TSPO: variants seen among roughly 807,000 people sequenced by gnomAD.
TSPO encodes translocator protein.
Under a neutral mutation model 13.9 loss-of-function variants are expected in TSPO, and 14 were observed. The ratio of observed to expected loss-of-function variants is 1.01; its 90% confidence interval spans 0.67 to 1.58. TSPO has a LOEUF of 1.58. TSPO is among the 40% of genes most tolerant of loss of function. The probability of loss-of-function intolerance (pLI) is 0.00; values close to 1 mark genes in which losing one functional copy is unlikely to be tolerated. For synonymous variants in TSPO, 114 were observed against 105.9 expected (o/e 1.08, Z -0.47); for missense variants, 232 against 229.6 (o/e 1.01, Z -0.07).
chr22:43,156,135 G>C (rs1055557853), intron 1 of TSPO, among the ~76,000 whole-genome samples: 6 of 152,242 alleles, frequency 3.9e-5, no homozygotes, highest in African/African-American at 1.4e-4. Context: ...CCTGAGAAGG[G>C]GGCAGCCTGG....
intron 1 of TSPO, among the ~76,000 whole-genome samples, chr22:43,153,342 T>C (rs890343194): frequency 0.015 from 658 of 44,362 alleles, 111 homozygotes; most frequent in African/African-American, 0.07. Flanking sequence ...TTTTCTTTTT[T>C]TTTTTTTTTT....
intron 3 of TSPO, 55 bp downstream of exon 3, chr22:43,161,245 G>A (rs937533744): frequency 3.2e-5 from 50 of 1,572,572 alleles, no homozygotes; most frequent in South Asian, 5.8e-5. Flanking sequence ...CTTGGAGGAC[G>A]TGGGGCATCA....
At chr22:43,155,845 T>C (rs1347806039) in intron 1 of TSPO, among the ~76,000 whole-genome samples, 2 of 152,218 alleles carry the variant, frequency 1.3e-5, no homozygotes, top group African/African-American at 4.8e-5. Flanking sequence ...CTGCCATGTG[T>C]GCCCCCTGGC....
chr22:43,159,771 C>T (rs140708627), intron 2 of TSPO: 65 of 233,026 alleles, frequency 2.8e-4, no homozygotes, highest in African/African-American at 3.6e-4. Context: ...CTTTGTTGAA[C>T]GCCTGCCCAG....
intron 1 of TSPO, among the ~76,000 whole-genome samples, chr22:43,155,532 G>A (rs201880739): frequency 2.6e-5 from 4 of 152,214 alleles, no homozygotes; most frequent in South Asian, 2.1e-4. Flanking sequence ...TCCAAGCCTT[G>A]AGGCCCTGTC....
intron 3 of TSPO, 102 bp from the exon 4 acceptor site, chr22:43,162,701 G>A: frequency 8.2e-7 from 1 of 1,226,372 alleles, no homozygotes; most frequent in Non-Finnish European, 1.1e-6. Flanking sequence ...GGTGAGTGAG[G>A]CTCCTGACTC....
chr22:43,151,656 G>C (rs962645553), intron 1 of TSPO, 52 bp downstream of exon 1: 2 of 152,384 alleles, frequency 1.3e-5, no homozygotes, highest in Non-Finnish European at 2.9e-5. Context: ...GGCCCGCATG[G>C]CTGCGACTCT....
In TSPO at chr22:43,161,219, A is replaced by G. The variant is rs756386013; in HGVS notation, c.321+29A>G. The G allele has an allele frequency of 2.5e-6, 4 of 1,595,280 alleles. No homozygotes were observed. The East Asian group carries it at 9.0e-5, about 36-fold the overall frequency. ...AGTGTGGCCACAGCATGTGTCCCTG[A>G]TCCCTGGATCCGACCCTTGGAGGAC... is the stretch of plus-strand genomic sequence containing the variant. On this transcript the variant is annotated intron_variant, in intron 3 of 3. Transcript: ENST00000337554.
At chr22:43,160,570 C>G (rs1048819964) in intron 2 of TSPO, among the ~76,000 whole-genome samples, 5 of 152,144 alleles carry the variant, frequency 3.3e-5, no homozygotes, top group African/African-American at 1.2e-4. Context: ...CCTGTGTTAA[C>G]AGCTCCCATG....
chr22:43,157,064 T>C (rs1014191886), intron 1 of TSPO, among the ~76,000 whole-genome samples: 1 of 152,186 alleles, frequency 6.6e-6, no homozygotes, highest in African/African-American at 2.4e-5. Context: ...TAGGCTGAGC[T>C]GGCCTGGGCT....
At position 43,159,217 on chromosome 22, in the gene TSPO, C is replaced by T; in HGVS notation, c.-22C>T. ...CCCTGTCTTCTCTTTCAGAGCTCCC[C>T]TGAACAGCAGCTGCAGCAGCCATGG... On this transcript the variant is annotated 5_prime_UTR_variant, in exon 2 of 4. Coordinates refer to ENST00000337554, the MANE Select transcript of TSPO (RefSeq NM_000714.6). 2 of 1,527,768 alleles carry T rather than the reference C, an allele frequency of 1.3e-6. No individual in the cohort carries two copies. Among genetic ancestry groups the T allele is most frequent in the Non-Finnish European group, 1.8e-6 (2 of 1,134,800 alleles). The allele number at this position is 1,527,768 out of a possible 1,614,324, so 94.6% of individuals were successfully genotyped here.
At chr22:43,159,758 C>T (rs1479542619) in intron 2 of TSPO, 1 of 260,720 alleles carries the variant, frequency 3.8e-6, no homozygotes, top group Non-Finnish European at 7.2e-6. Flanking sequence ...CCAAGAGCAG[C>T]TCCTTTGTTG....
intron 1 of TSPO, among the ~76,000 whole-genome samples, chr22:43,155,051 G>A (rs1014985457): frequency 1.3e-5 from 2 of 152,164 alleles, no homozygotes; most frequent in South Asian, 4.1e-4. Context: ...TGAGACGGGC[G>A]GTGACACAAC....
chr22:43,154,591 G>A (rs1931193412), intron 1 of TSPO, among the ~76,000 whole-genome samples: 1 of 151,906 alleles, frequency 6.6e-6, no homozygotes, highest in African/African-American at 2.4e-5. Flanking sequence ...CTCCTGACCT[G>A]AGGTGATCTG....
rs764229144 is a variant in TSPO, at chr22:43,159,243, C to A, written c.5C>A (p.Ala2Asp). 9 of 1,551,336 alleles carry A rather than the reference C, an allele frequency of 5.8e-6. No individual in the cohort carries two copies. Among genetic ancestry groups the A allele is most frequent in the South Asian group, 3.6e-5 (3 of 83,498 alleles). Residue 2 changes from alanine (A) to aspartate (D), a missense_variant, in exon 2 of 4, where the codon GCC becomes GAC. Ala to Asp is a moderately radical substitution (Grantham distance 126, BLOSUM62 -2). Transcript: ENST00000337554. M[A>D]PPWVPAMGFT... ...TGAACAGCAGCTGCAGCAGCCATGG[C>A]CCCGCCCTGGGTGCCCGCCATGGGC...
intron 1 of TSPO, 142 bp from the exon 2 acceptor site, chr22:43,159,068 C>T: frequency 3.2e-6 from 2 of 626,408 alleles, no homozygotes; most frequent in East Asian, 6.8e-5. Flanking sequence ...CTCAGCCACT[C>T]CCACCCCGCA....
At chr22:43,157,247 G>A (rs986996001) in intron 1 of TSPO, among the ~76,000 whole-genome samples, 6 of 146,070 alleles carry the variant, frequency 4.1e-5, no homozygotes, top group Non-Finnish European at 9.0e-5. Flanking sequence ...CCCACCCCAT[G>A]AGCACGTGTA....
intron 1 of TSPO, among the ~76,000 whole-genome samples, chr22:43,155,713 G>A (rs1189390892): frequency 6.6e-6 from 1 of 152,142 alleles, no homozygotes; most frequent in African/African-American, 2.4e-5. Flanking sequence ...AGGAAGCCAG[G>A]CCCAGAGACG....
chr22:43,157,830 C>G (rs1404675808), intron 1 of TSPO, among the ~76,000 whole-genome samples: 1 of 152,186 alleles, frequency 6.6e-6, no homozygotes, highest in Non-Finnish European at 1.5e-5. Context: ...GAGCAAGACT[C>G]TGTCTCAAAA....
Sources: allele counts gnomAD v4.1 joint callset (sites outside exome capture counted in the v4.1 genomes callset), GRCh38; gene constraint gnomAD v4.1.1; transcripts MANE v1.5; gene names NCBI Gene and HGNC (gene_info 2026-07-23, HGNC 2026-07-21).